Variants in MAP4K4 observed in about 807,000 individuals in gnomAD.
The protein encoded by MAP4K4 is mitogen-activated protein kinase kinase kinase kinase 4.
In MAP4K4, 38 loss-of-function variants were observed where a neutral mutation model predicts 189.6. The observed-to-expected ratio is 0.20, with a 90% CI of 0.15 to 0.26. The LOEUF (loss-of-function observed/expected upper bound fraction) is 0.26, where lower values mean the gene tolerates loss of function less well. MAP4K4 is among the 10% of genes least tolerant of loss of function. MAP4K4 has a pLI of 1.00. For missense variants in MAP4K4, 1,054 were observed against 1,726.9 expected, an observed-to-expected ratio of 0.61 and a Z score of 6.91; for synonymous variants, 610 against 624.3, an observed-to-expected ratio of 0.98 and a Z score of 0.34.
intron 17 of MAP4K4, among the ~76,000 whole-genome samples, 167 bp from the exon 18 acceptor site, chr2:101,864,763 G>A (rs887403863): frequency 6.6e-6 from 1 of 152,154 alleles, no homozygotes; most frequent in South Asian, 2.1e-4. Context: ...TTTTCTCTCC[G>A]ATTGTATCAG....
At chr2:101,881,441 T>G (rs758145385) in intron 27 of MAP4K4, among the ~76,000 whole-genome samples, 2 of 152,220 alleles carry the variant, frequency 1.3e-5, no homozygotes, top group Admixed American at 6.5e-5. Flanking sequence ...TTCAGGATTT[T>G]CTACCTAGAC....
chr2:101,761,321 A>AT (rs1208166386), intron 2 of MAP4K4, among the ~76,000 whole-genome samples: 7 of 151,616 alleles, frequency 4.6e-5, no homozygotes, highest in African/African-American at 9.7e-5. Context: ...TCTTAAAAAA[A>AT]TTTTTTTTTA....
intron 6 of MAP4K4, 34 bp from the exon 7 acceptor site, chr2:101,831,687 T>A: frequency 6.4e-7 from 1 of 1,567,852 alleles, no homozygotes; most frequent in Non-Finnish European, 8.7e-7. Flanking sequence ...GTTGTGTTTA[T>A]CTTTCTTTAT....
chr2:101,891,253 C>T (rs1430505639), exon 33 of MAP4K4: 1 of 1,611,840 alleles, frequency 6.2e-7, no homozygotes, highest in South Asian at 1.1e-5. Context: ...CTGGTAGAAG[C>T]AGTGTGATCC....
At chr2:101,704,069 G>A (rs1419260913) in intron 2 of MAP4K4, among the ~76,000 whole-genome samples, 1 of 152,126 alleles carries the variant, frequency 6.6e-6, no homozygotes, top group African/African-American at 2.4e-5. Context: ...TTAAACTTTT[G>A]TGAGGGATTC....
rs56349102 is a variant in MAP4K4, at chr2:101,887,190, G to A, written c.3724G>A (p.Val1242Ile). ...TGGATCCTGTGCTGGATTCCATGCT[G>A]TTGATGTGGATTCAGGATCAGTCTA... is the stretch of plus-strand genomic sequence containing the variant. The change falls in exon 30 of 33, where the codon GTT (valine) becomes ATT (isoleucine). Residue 1242 changes from valine to isoleucine, a missense_variant. Val to Ile is a conservative substitution (Grantham distance 29). Coordinates refer to ENST00000324219, the Ensembl canonical transcript of MAP4K4. 5.6e-6 allele frequency: 9 copies of A among 1,613,042 alleles called. No homozygotes were observed. The East Asian group carries it at 1.1e-4, about 20-fold the overall frequency.
chr2:101,729,087 A>AGT, intron 2 of MAP4K4, among the ~76,000 whole-genome samples: 1 of 122,648 alleles, frequency 8.2e-6, no homozygotes, highest in East Asian at 2.7e-4. Context: ...GGAGAGAGAG[A>AGT]GAGAGAGAGA....
At chr2:101,881,469 A>G (rs568675109) in intron 27 of MAP4K4, among the ~76,000 whole-genome samples, 3 of 152,216 alleles carry the variant, frequency 2.0e-5, no homozygotes, top group African/African-American at 7.2e-5. Flanking sequence ...TCTTCTGTGA[A>G]GAAAGACAGT....
chr2:101,853,337 A>G (rs2097345843), intron 12 of MAP4K4, among the ~76,000 whole-genome samples: 1 of 152,210 alleles, frequency 6.6e-6, no homozygotes, highest in South Asian at 2.1e-4. Flanking sequence ...TCCTACATAT[A>G]TACATATACA....
chr2:101,823,558 C>T (rs1227634874), intron 3 of MAP4K4, among the ~76,000 whole-genome samples: 1 of 152,182 alleles, frequency 6.6e-6, no homozygotes, highest in Non-Finnish European at 1.5e-5. Context: ...GTGATAAGTT[C>T]AAATAGTATC....
At chr2:101,859,675 G>T (rs775138923) in exon 15 of MAP4K4, 3 of 1,611,352 alleles carry the variant, frequency 1.9e-6, no homozygotes, top group Non-Finnish European at 2.5e-6. Flanking sequence ...AGGAGCACCG[G>T]CAGGCAGAGA....
At chr2:101,731,270 C>T (rs1458296664) in intron 2 of MAP4K4, among the ~76,000 whole-genome samples, 2 of 151,620 alleles carry the variant, frequency 1.3e-5, no homozygotes, top group Non-Finnish European at 2.9e-5. Flanking sequence ...GTGTGTGCCA[C>T]CATGCCTGGC....
chr2:101,825,347 C>G, exon 5 of MAP4K4: 1 of 1,612,702 alleles, frequency 6.2e-7, no homozygotes, highest in Non-Finnish European at 8.5e-7. Context: ...GGGGCTGGGT[C>G]CATTACAGAC....
chr2:101,840,622 G>A (rs147972208), intron 10 of MAP4K4, among the ~76,000 whole-genome samples: 9 of 152,250 alleles, frequency 5.9e-5, no homozygotes, highest in African/African-American at 1.7e-4. Context: ...TTCAAACATC[G>A]TCACCGTCTT....
At chr2:101,795,094 C>A (rs190076119) in intron 3 of MAP4K4, among the ~76,000 whole-genome samples, 19 of 152,244 alleles carry the variant, frequency 1.2e-4, no homozygotes, top group Admixed American at 1.1e-3. Flanking sequence ...TCACTCATAG[C>A]CTTCCCATTA....
chr2:101,862,984 C>T (rs537894379), intron 16 of MAP4K4, among the ~76,000 whole-genome samples: 5 of 152,194 alleles, frequency 3.3e-5, no homozygotes, highest in African/African-American at 1.2e-4. Context: ...CATTTTAGAA[C>T]AGTAAAACAT....
intron 2 of MAP4K4, among the ~76,000 whole-genome samples, chr2:101,776,852 A>G (rs1009951812): frequency 2.0e-5 from 3 of 152,154 alleles, no homozygotes; most frequent in Non-Finnish European, 2.9e-5. Flanking sequence ...TCGCAATCTC[A>G]TAACCCAAAT....
At chr2:101,732,215 T>C (rs3796062) in intron 2 of MAP4K4, among the ~76,000 whole-genome samples, 114,577 of 152,076 alleles carry the variant, frequency 0.75, 43,616 homozygotes, top group African/African-American at 0.88. Flanking sequence ...AAGTAACCCA[T>C]ACAACCTTCC....
At chr2:101,712,363 T>G (rs2046094653) in intron 2 of MAP4K4, among the ~76,000 whole-genome samples, 1 of 151,492 alleles carries the variant, frequency 6.6e-6, no homozygotes, top group East Asian at 1.9e-4. Flanking sequence ...CCCGGCGAAT[T>G]TTTTGTATTT....
Sources: gnomAD v4.1 joint callset for allele counts (sites outside exome capture counted in the v4.1 genomes callset) on GRCh38, gnomAD v4.1.1 for gene constraint, MANE v1.5 for transcripts, NCBI Gene and HGNC (gene_info 2026-07-23, HGNC 2026-07-21) for gene names.